PLA2R1: variants seen among roughly 807,000 people sequenced by gnomAD.
PLA2R1 encodes the protein phospholipase A2 receptor 1.
In PLA2R1, 158 loss-of-function variants were observed where a neutral mutation model predicts 195.9. The observed-to-expected ratio is 0.81, with a 90% CI of 0.71 to 0.92. The LOEUF is 0.92. Among genes scored for constraint, PLA2R1 ranks in the 40% least tolerant of loss-of-function variants. The pLI, the probability that PLA2R1 is intolerant of heterozygous loss-of-function variation, is 0.00. For synonymous variants in PLA2R1, 586 were observed against 598.2 expected (o/e 0.98, Z 0.30); for missense variants, 1,626 against 1,764.6 (o/e 0.92, Z 1.41).
chr2:159,962,964 A>G (rs1688553250), intron 20 of PLA2R1, among the ~76,000 whole-genome samples: 1 of 152,140 alleles, frequency 6.6e-6, no homozygotes, highest in Non-Finnish European at 1.5e-5. Flanking sequence ...GCAAACCACC[A>G]TGGCACGTGT....
chr2:160,002,779 C>T (rs1286837867), intron 11 of PLA2R1, among the ~76,000 whole-genome samples: 1 of 151,850 alleles, frequency 6.6e-6, no homozygotes, highest in Non-Finnish European at 1.5e-5. Context: ...TTAAGTTTAC[C>T]CAACAGTACA....
chr2:159,970,084 T>C, intron 18 of PLA2R1, 64 bp downstream of exon 18: 1 of 1,051,646 alleles, frequency 9.5e-7, no homozygotes, highest in Non-Finnish European at 1.5e-6. Context: ...TAAAATTGAA[T>C]CTAATCATTC....
intron 13 of PLA2R1, among the ~76,000 whole-genome samples, chr2:159,983,442 T>C (rs2105305057): frequency 6.8e-6 from 1 of 147,538 alleles, no homozygotes; most frequent in South Asian, 2.1e-4. Context: ...AAAAAAAAAA[T>C]TACTGGGACT....
intron 6 of PLA2R1, among the ~76,000 whole-genome samples, chr2:160,027,246 C>T (rs1693580960): frequency 1.3e-5 from 2 of 150,938 alleles, no homozygotes; most frequent in Admixed American, 1.3e-4. Flanking sequence ...ATAAATATAA[C>T]AGAAGGAAAG....
chr2:159,957,830 C>T (rs562689408), intron 20 of PLA2R1, among the ~76,000 whole-genome samples: 1 of 152,254 alleles, frequency 6.6e-6, no homozygotes, highest in South Asian at 2.1e-4. Flanking sequence ...TATAATGGAT[C>T]AGGCAAAATT....
intron 28 of PLA2R1, among the ~76,000 whole-genome samples, chr2:159,944,111 A>G (rs1461029142): frequency 1.3e-5 from 2 of 152,064 alleles, no homozygotes; most frequent in Non-Finnish European, 2.9e-5. Context: ...AGGATCCTAC[A>G]TTACCATCCA....
intron 11 of PLA2R1, among the ~76,000 whole-genome samples, chr2:159,993,529 G>A (rs73967973): frequency 0.014 from 2,057 of 149,952 alleles, 45 homozygotes; most frequent in African/African-American, 0.042. Flanking sequence ...AACCACAAAC[G>A]ACGAGCACCC....
In PLA2R1 at chr2:159,933,318, T is replaced by G. The variant is rs1400498666; in HGVS notation, c.*8460A>C. 6.6e-6 allele frequency: 1 copy of G among 152,212 alleles called. No homozygotes were observed. The highest frequency in any genetic ancestry group is 1.9e-4 in the East Asian group (1 of 5,200). The allele number at this position is 152,212 out of a possible 1,614,324, so 9.4% of individuals were successfully genotyped here. On this transcript the variant is annotated 3_prime_UTR_variant, in exon 30 of 30. Transcript: ENST00000283243. ...TTAGAGGAACATGCAGATTTTCACTTTTTTAAATCCAGAATTTCAGATTTA... is the reference window on the plus strand; with the variant it reads ...TTAGAGGAACATGCAGATTTTCACTGTTTTAAATCCAGAATTTCAGATTTA...
chr2:159,974,271 G>A (rs555679771), intron 17 of PLA2R1, among the ~76,000 whole-genome samples: 21 of 152,228 alleles, frequency 1.4e-4, no homozygotes, highest in Admixed American at 9.8e-4. Context: ...TTAAATGACT[G>A]GATAAATAAG....
At chr2:159,952,837 C>A (rs189226053) in intron 23 of PLA2R1, among the ~76,000 whole-genome samples, 1 of 152,298 alleles carries the variant, frequency 6.6e-6, no homozygotes, top group East Asian at 1.9e-4. Context: ...AAGTGGGAAA[C>A]TGACCTTTAT....
In PLA2R1 at chr2:160,062,547, G is replaced by C. The variant is rs935483276; in HGVS notation, c.-144C>G. 1 of 1,367,012 alleles carries C rather than the reference G, an allele frequency of 7.3e-7. No individual in the cohort carries two copies. The highest frequency in any genetic ancestry group is 9.4e-7 in the Non-Finnish European group (1 of 1,059,764). 84.7% of individuals were successfully genotyped at this position (1,367,012 alleles called of 1,614,324 possible). On this transcript the variant is annotated 5_prime_UTR_variant, in exon 1 of 30. Coordinates refer to ENST00000283243, the MANE Select transcript of PLA2R1 (RefSeq NM_007366.5). ...GCGCCCCACCCCCTCCGGGGGCCTTGCCAGCCCAGAGCCCTGGAGACCCAC... is the reference window on the plus strand; with the variant it reads ...GCGCCCCACCCCCTCCGGGGGCCTTCCCAGCCCAGAGCCCTGGAGACCCAC...
At chr2:160,010,456 C>G (rs1171158613) in intron 10 of PLA2R1, among the ~76,000 whole-genome samples, 3 of 152,206 alleles carry the variant, frequency 2.0e-5, no homozygotes. Flanking sequence ...GGAGCAGTTG[C>G]CTGATCACAA....
In PLA2R1 at chr2:159,941,018, G is replaced by T. The variant is rs1359635477; in HGVS notation, c.*760C>A. 6.6e-6 allele frequency: 1 copy of T among 152,060 alleles called. No homozygotes were observed. The highest frequency in any genetic ancestry group is 2.4e-5 in the African/African-American group (1 of 41,404). The allele number at this position is 152,060 out of a possible 1,614,324, so 9.4% of individuals were successfully genotyped here. A position where few individuals can be genotyped will look rare whatever the true frequency, so the allele number is the denominator to read the frequency against. The stretch of plus-strand genomic sequence containing the variant: ...TTAAAGTTTCAATATATTACTTTAA[G>T]CTTATGTATAAGACATTTTAAAATA... On this transcript the variant is annotated 3_prime_UTR_variant, in exon 30 of 30. Coordinates refer to ENST00000283243, the MANE Select transcript of PLA2R1 (RefSeq NM_007366.5).
rs190273929 is a variant in PLA2R1 at position 160,033,003 on chromosome 2, G to T, written c.797C>A (p.Thr266Lys). Residue 266 changes from threonine (T) to lysine (K), a missense_variant, in exon 4 of 30, where the codon ACG becomes AAG. Physicochemically the swap from Thr to Lys is moderately conservative, Grantham distance 78 (BLOSUM62 -1). Coordinates refer to ENST00000283243, the MANE Select transcript of PLA2R1 (RefSeq NM_007366.5). ...AHSSCQMQGG[T>K]LLSITDETEE... Reference sequence around the variant, plus strand: ...AGTTTCATCTGTAATACTTAACAGCGTACCTCCTTGCATCTGGCATGAAGA... The same window carrying T: ...AGTTTCATCTGTAATACTTAACAGCTTACCTCCTTGCATCTGGCATGAAGA... The T allele has an allele frequency of 1.9e-6, 3 of 1,613,104 alleles. No homozygotes were observed. The highest frequency in any genetic ancestry group is 1.3e-5 in the African/African-American group (1 of 74,950).
rs188701472 is a variant in PLA2R1 at position 160,033,856 on chromosome 2, C to G, written c.668-724G>C. On this transcript the variant is annotated intron_variant, in intron 3 of 29. Transcript: ENST00000283243. The stretch of plus-strand genomic sequence containing the variant: ...TCAAACTCCAAGGTGAACTAAGTAG[C>G]CACAATAATGACCGGAAACCAAACT... Among the ~76,000 whole-genome samples, 145 of 152,188 alleles carry G rather than the reference C, an allele frequency of 9.5e-4. 1 individual carries two copies. Among genetic ancestry groups the G allele is most frequent in the Non-Finnish European group, 1.7e-3 (115 of 68,010 alleles).
chr2:160,028,256 C>A lies in PLA2R1; in HGVS notation c.1061G>T (p.Cys354Phe), dbSNP rs748678635. The A allele has an allele frequency of 1.0e-5, 16 of 1,602,482 alleles. No homozygotes were observed. The highest frequency in any genetic ancestry group is 1.4e-5 in the Non-Finnish European group (16 of 1,173,366). ...ATCAATGTGGTTTAGATATTTTTTA[C>A]ATATATATGGCAAGGTGGACTCACA... ...RDCESTLPYI[C>F]KKYLNHIDHE... Residue 354 changes from cysteine (C) to phenylalanine (F), a missense_variant, in exon 6 of 30, where the codon TGT becomes TTT. By Grantham distance (205) the Cys-to-Phe change is radical (BLOSUM62 -2). Coordinates refer to ENST00000283243, the MANE Select transcript of PLA2R1 (RefSeq NM_007366.5).
rs572944872 is a variant in PLA2R1 at position 159,977,846 on chromosome 2, C to T, written c.2269-430G>A. ...TAGTCCCAGCTACTCGGGAGAATGG[C>T]GTGGACCCAGGAAGCAGAGCTTGCA... On this transcript the variant is annotated intron_variant, in intron 14 of 29. Transcript: ENST00000283243. Among the ~76,000 whole-genome samples, 14 of 151,992 alleles carry T rather than the reference C, an allele frequency of 9.2e-5. No individual in the cohort carries two copies. In the South Asian group the frequency reaches 1.5e-3, roughly 16 times the overall value.
At chr2:160,056,133 C>T (rs1205976953) in intron 1 of PLA2R1, among the ~76,000 whole-genome samples, 4 of 152,152 alleles carry the variant, frequency 2.6e-5, no homozygotes, top group Admixed American at 1.3e-4. Context: ...CAGGTTGTGG[C>T]CCATTTATGG....
chr2:160,022,151 A>G (rs1693172844), intron 7 of PLA2R1, among the ~76,000 whole-genome samples: 1 of 152,248 alleles, frequency 6.6e-6, no homozygotes, highest in South Asian at 2.1e-4. Context: ...TACATGACAC[A>G]GTGAAGAGCA....
Sources: gnomAD v4.1 joint callset for allele counts (sites outside exome capture counted in the v4.1 genomes callset) on GRCh38, gnomAD v4.1.1 for gene constraint, MANE v1.5 for transcripts, NCBI Gene and HGNC (gene_info 2026-07-23, HGNC 2026-07-21) for gene names.